Variants in UBE2H observed in about 807,000 individuals in gnomAD.
The protein encoded by UBE2H is ubiquitin conjugating enzyme E2 H.
A neutral mutation model predicts 29.0 loss-of-function variants in UBE2H; 3 were observed. The observed-to-expected ratio is 0.10, with a 90% CI of 0.05 to 0.27. UBE2H has a LOEUF of 0.27. Among genes scored for constraint, UBE2H ranks in the 10% least tolerant of loss-of-function variants. The probability of loss-of-function intolerance (pLI) is 1.00; values close to 1 mark genes in which losing one functional copy is unlikely to be tolerated. For synonymous variants in UBE2H, 69 were observed against 82.9 expected (o/e 0.83, Z 0.91); for missense variants, 68 against 228.2 (o/e 0.30, Z 4.52).
At chr7:129,899,484 A>G (rs1381144508) in intron 1 of UBE2H, among the ~76,000 whole-genome samples, 1 of 152,102 alleles carries the variant, frequency 6.6e-6, no homozygotes, top group Non-Finnish European at 1.5e-5. Flanking sequence ...CATGCTGTTC[A>G]CCAATCCAAC....
rs570689509 is a variant in UBE2H, at chr7:129,895,107, T to C, written c.54-14136A>G. Among the ~76,000 whole-genome samples the C allele has an allele frequency of 2.0e-4, 31 of 152,326 alleles. No individual in the cohort carries two copies. The South Asian group carries it at 6.2e-3, about 31-fold the overall frequency. ...ATCCACTTTTTCTGCTCTCAGGAAA[T>C]TATAAAATAATTAGACAACAAAAAT... On this transcript the variant is annotated intron_variant, in intron 1 of 6. Coordinates refer to ENST00000355621, the MANE Select transcript of UBE2H (RefSeq NM_003344.4).
chr7:129,865,124 TA>T, intron 3 of UBE2H: 2 of 400,656 alleles, frequency 5.0e-6, no homozygotes, highest in Non-Finnish European at 9.8e-6. Context: ...TCTTAAAAAA[TA>T]AAAAGTACAG....
chr7:129,940,767 G>C (rs983956481), intron 1 of UBE2H, among the ~76,000 whole-genome samples: 13 of 152,160 alleles, frequency 8.5e-5, no homozygotes, highest in African/African-American at 3.1e-4. Flanking sequence ...CCTTCCCCAA[G>C]CATCTGGTGA....
Position 129,833,590 on chromosome 7 carries a change from C to T in UBE2H, c.*1347G>A, listed in dbSNP as rs1372182542. 2 of 152,118 alleles carry T rather than the reference C, an allele frequency of 1.3e-5. No individual in the cohort carries two copies. The highest frequency in any genetic ancestry group is 1.3e-4 in the Admixed American group (2 of 15,248). 9.4% of individuals were successfully genotyped at this position (152,118 alleles called of 1,614,324 possible). A position where few individuals can be genotyped will look rare whatever the true frequency, so the allele number is the denominator to read the frequency against. On this transcript the variant is annotated 3_prime_UTR_variant, in exon 7 of 7. Coordinates refer to ENST00000355621, the MANE Select transcript of UBE2H (RefSeq NM_003344.4). ...TTTAAACTGATTTCCTCTTAACATA[C>T]GCAGGAGAGAAAACATTTTCTTCCT...
intron 5 of UBE2H, among the ~76,000 whole-genome samples, chr7:129,850,547 G>C (rs763288950): frequency 6.6e-6 from 1 of 152,170 alleles, no homozygotes; most frequent in Non-Finnish European, 1.5e-5. Context: ...GCCTGGCGTG[G>C]TGGCACACGC....
intron 1 of UBE2H, among the ~76,000 whole-genome samples, chr7:129,917,054 A>C (rs1038825519): frequency 1.3e-5 from 2 of 149,460 alleles, no homozygotes; most frequent in South Asian, 2.1e-4. Context: ...AAAAAAAAAA[A>C]CACAGCTGGG....
chr7:129,949,004 G>A, intron 1 of UBE2H: 1 of 456,826 alleles, frequency 2.2e-6, no homozygotes, highest in Non-Finnish European at 4.4e-6. Flanking sequence ...TTTCCGGGTA[G>A]TAACAGGGCG....
At chr7:129,950,869 C>T (rs1807860737) in intron 1 of UBE2H, among the ~76,000 whole-genome samples, 1 of 152,182 alleles carries the variant, frequency 6.6e-6, no homozygotes, top group Non-Finnish European at 1.5e-5. Flanking sequence ...ATTTACAAAA[C>T]AATCACAGCC....
intron 6 of UBE2H, among the ~76,000 whole-genome samples, chr7:129,838,247 C>T (rs1563017779): frequency 6.6e-6 from 1 of 152,146 alleles, no homozygotes; most frequent in Admixed American, 6.5e-5. Context: ...CCTATAGAGA[C>T]CTTGGAAGAA....
chr7:129,925,346 C>T (rs1327381305), intron 1 of UBE2H, among the ~76,000 whole-genome samples: 1 of 147,414 alleles, frequency 6.8e-6, no homozygotes, highest in Non-Finnish European at 1.5e-5. Context: ...GACTCAGTCT[C>T]GAAAAAAAAA....
At chr7:129,835,408 T>C (rs558864818) in intron 6 of UBE2H, among the ~76,000 whole-genome samples, 1 of 152,306 alleles carries the variant, frequency 6.6e-6, no homozygotes, top group African/African-American at 2.4e-5. Context: ...CCAGATAGTA[T>C]AGGACCAGTC....
At chr7:129,915,206 G>C (rs780561529) in intron 1 of UBE2H, among the ~76,000 whole-genome samples, 2 of 152,100 alleles carry the variant, frequency 1.3e-5, no homozygotes, top group Non-Finnish European at 2.9e-5. Flanking sequence ...TTAAATGGTA[G>C]GAAGGTTTCT....
intron 1 of UBE2H, among the ~76,000 whole-genome samples, chr7:129,944,079 A>G (rs553099879): frequency 3.3e-5 from 5 of 152,308 alleles, no homozygotes; most frequent in South Asian, 4.1e-4. Context: ...AAGTGAGGCC[A>G]GGCGCTGTGG....
chr7:129,842,808 C>A (rs1415136776), intron 5 of UBE2H, among the ~76,000 whole-genome samples: 1 of 151,766 alleles, frequency 6.6e-6, no homozygotes, highest in Non-Finnish European at 1.5e-5. Context: ...GAGGCTGAGG[C>A]AGGAGAATTG....
At chr7:129,874,638 T>A (rs1279826328) in intron 3 of UBE2H, among the ~76,000 whole-genome samples, 2 of 152,094 alleles carry the variant, frequency 1.3e-5, no homozygotes, top group South Asian at 4.1e-4. Flanking sequence ...ACTTTTATAT[T>A]TTTTTTCCCT....
At chr7:129,902,308 G>A (rs1024524676) in intron 1 of UBE2H, among the ~76,000 whole-genome samples, 1 of 152,116 alleles carries the variant, frequency 6.6e-6, no homozygotes, top group Non-Finnish European at 1.5e-5. Flanking sequence ...AGACCAGCCT[G>A]GCCAATATGG....
At chr7:129,924,450 A>T (rs1450552299) in intron 1 of UBE2H, among the ~76,000 whole-genome samples, 1 of 152,224 alleles carries the variant, frequency 6.6e-6, no homozygotes, top group African/African-American at 2.4e-5. Context: ...AAAAATTCAT[A>T]CCAAGAAGGT....
intron 3 of UBE2H, among the ~76,000 whole-genome samples, chr7:129,871,369 A>G (rs2116348273): frequency 6.6e-6 from 1 of 152,312 alleles, no homozygotes; most frequent in Non-Finnish European, 1.5e-5. Flanking sequence ...ATTTTTTTAC[A>G]AAACCTTCCT....
chr7:129,934,058 A>G (rs1417488110), intron 1 of UBE2H, among the ~76,000 whole-genome samples: 2 of 152,212 alleles, frequency 1.3e-5, no homozygotes, highest in African/African-American at 4.8e-5. Context: ...ACAGTCACTC[A>G]TGCCTGTAAT....
Sources: allele counts gnomAD v4.1 joint callset (sites outside exome capture counted in the v4.1 genomes callset), GRCh38; gene constraint gnomAD v4.1.1; transcripts MANE v1.5; gene names NCBI Gene and HGNC (gene_info 2026-07-23, HGNC 2026-07-21).